RAPGEF5: variants seen among roughly 807,000 people sequenced by gnomAD.
RAPGEF5 encodes the protein Rap guanine nucleotide exchange factor 5.
A neutral mutation model predicts 125.2 loss-of-function variants in RAPGEF5; 65 were observed. The observed-to-expected ratio is 0.52, with a 90% CI of 0.43 to 0.64. The LOEUF (loss-of-function observed/expected upper bound fraction) is 0.64. Ranked by LOEUF, RAPGEF5 falls within the 30% of genes least tolerant of loss-of-function variation. The pLI, the probability that RAPGEF5 is intolerant of heterozygous loss-of-function variation, is 0.00. For missense variants in RAPGEF5, 958 were observed against 1,048.1 expected (o/e 0.91, Z 1.19); for synonymous variants, 391 against 385.9 (o/e 1.01, Z -0.16).
At chr7:22,315,220 A>G (rs1394946372) in intron 3 of RAPGEF5, 150 bp downstream of exon 3, 1 of 859,004 alleles carries the variant, frequency 1.2e-6, no homozygotes, top group Non-Finnish European at 1.6e-6. Flanking sequence ...AGTTTAATGA[A>G]AAGTCACCAT....
At chr7:22,154,656 A>G in intron 16 of RAPGEF5, 52 bp from the exon 17 acceptor site, 1 of 1,571,188 alleles carries the variant, frequency 6.4e-7, no homozygotes, top group Middle Eastern at 2.0e-4. Flanking sequence ...GTCACGAGGT[A>G]TAGACTTTTC....
intron 7 of RAPGEF5, among the ~76,000 whole-genome samples, chr7:22,237,666 A>G (rs1216780637): frequency 1.3e-5 from 2 of 152,040 alleles, no homozygotes; most frequent in Non-Finnish European, 2.9e-5. Flanking sequence ...TTTGAGACTG[A>G]GCTCCCAACT....
intron 1 of RAPGEF5, among the ~76,000 whole-genome samples, chr7:22,323,407 A>G (rs1049598913): frequency 1.3e-5 from 2 of 152,222 alleles, no homozygotes; most frequent in Admixed American, 1.3e-4. Context: ...TACACAACAG[A>G]TACAACAGAA....
intron 11 of RAPGEF5, among the ~76,000 whole-genome samples, chr7:22,171,506 T>C (rs1784348768): frequency 6.6e-6 from 1 of 152,224 alleles, no homozygotes; most frequent in East Asian, 1.9e-4. Flanking sequence ...TCATATCCTT[T>C]CTTTTTTTTG....
At chr7:22,270,354 T>G (rs1446837451) in intron 6 of RAPGEF5, among the ~76,000 whole-genome samples, 1 of 152,220 alleles carries the variant, frequency 6.6e-6, no homozygotes, top group Non-Finnish European at 1.5e-5. Context: ...GGTACCAACA[T>G]AATAAATACA....
At chr7:22,148,911 T>C (rs2128106522) in intron 18 of RAPGEF5, among the ~76,000 whole-genome samples, 1 of 152,290 alleles carries the variant, frequency 6.6e-6, no homozygotes, top group East Asian at 1.9e-4. Flanking sequence ...ATCAATCTCA[T>C]TATTTACTCA....
At chr7:22,275,417 G>A (rs1782533808) in intron 6 of RAPGEF5, among the ~76,000 whole-genome samples, 1 of 152,198 alleles carries the variant, frequency 6.6e-6, no homozygotes, top group Admixed American at 6.5e-5. Context: ...CTGAGAAGGT[G>A]TAGGGGGAAC....
intron 7 of RAPGEF5, among the ~76,000 whole-genome samples, chr7:22,262,089 TG>T (rs1376714625): frequency 6.6e-6 from 1 of 152,116 alleles, no homozygotes; most frequent in African/African-American, 2.4e-5. Context: ...CTTTGATCTG[TG>T]AAAGACTCGT....
intron 8 of RAPGEF5, among the ~76,000 whole-genome samples, chr7:22,224,820 C>T (rs903452741): frequency 2.7e-5 from 4 of 148,388 alleles, no homozygotes; most frequent in South Asian, 2.1e-4. Flanking sequence ...GTCCCAAGTA[C>T]AGTGTTTTGG....
At position 22,266,986 on chromosome 7, in the gene RAPGEF5, A is replaced by C; in HGVS notation, c.774T>G (p.Ile258Met). 6.2e-7 allele frequency: 1 copy of C among 1,611,316 alleles called. No homozygotes were observed. Among genetic ancestry groups the C allele is most frequent in the Non-Finnish European group, 8.5e-7 (1 of 1,177,750 alleles). The change falls in exon 7 of 26, where the codon ATT becomes ATG. Residue 258 changes from isoleucine to methionine, a missense_variant. Transcript: ENST00000665637. ...SAVQRELAAV[I>M]ALKARKSAIE... Reference sequence around the variant, plus strand: ...TACCAGACTTCCTTGCTTTCAAAGCAATAACAGCTGCTAGCTCTCTCTGCA... The same window carrying C: ...TACCAGACTTCCTTGCTTTCAAAGCCATAACAGCTGCTAGCTCTCTCTGCA...
chr7:22,168,209 G>A (rs945862428), intron 11 of RAPGEF5, among the ~76,000 whole-genome samples: 8 of 152,130 alleles, frequency 5.3e-5, no homozygotes, highest in Admixed American at 3.3e-4. Context: ...GTATTTGAGA[G>A]GTAATTAGGA....
intron 2 of RAPGEF5, among the ~76,000 whole-genome samples, chr7:22,317,742 C>A (rs1471206277): frequency 6.6e-6 from 1 of 151,984 alleles, no homozygotes; most frequent in South Asian, 2.1e-4. Flanking sequence ...ATGTAAAGAA[C>A]CTGGAAGATG....
intron 25 of RAPGEF5, among the ~76,000 whole-genome samples, chr7:22,122,916 C>T (rs1379114822): frequency 6.6e-6 from 1 of 152,114 alleles, no homozygotes; most frequent in East Asian, 1.9e-4. Context: ...GTTTAAATGG[C>T]CAGCACTGGG....
chr7:22,232,122 T>C (rs558539335), intron 7 of RAPGEF5, among the ~76,000 whole-genome samples: 8 of 152,108 alleles, frequency 5.3e-5, no homozygotes, highest in South Asian at 4.2e-4. Context: ...TGCCAATGAA[T>C]TGAATATGGA....
intron 6 of RAPGEF5, among the ~76,000 whole-genome samples, chr7:22,288,308 C>T (rs1782845935): frequency 6.6e-6 from 1 of 152,158 alleles, no homozygotes; most frequent in Non-Finnish European, 1.5e-5. Flanking sequence ...GCTCTCTGAG[C>T]TTCAGACTCT....
At position 22,136,955 on chromosome 7, in the gene RAPGEF5, A is replaced by C. The variant is rs931375627; in HGVS notation, c.2306T>G (p.Phe769Cys). Residue 769 changes from phenylalanine to cysteine, a missense_variant, in exon 22 of 26, where the codon TTC (phenylalanine) becomes TGC (cysteine). Physicochemically the swap from Phe to Cys is radical, Grantham distance 205. Transcript: ENST00000665637. Reference protein sequence around the residue: ...EKIPGKFKKLFSELESLTDPS... With the variant: ...EKIPGKFKKLCSELESLTDPS... ...TACTGTTAAACTTTCAAGTTCAGAG[A>C]AAAGTTTCTTAAACTTCCCAGGGAT... 2.5e-6 allele frequency: 4 copies of C among 1,587,698 alleles called. No homozygotes were observed. The African/African-American group carries it at 5.4e-5, about 21-fold the overall frequency.
At chr7:22,334,754 A>C (rs1456245707) in intron 1 of RAPGEF5, among the ~76,000 whole-genome samples, 3 of 152,212 alleles carry the variant, frequency 2.0e-5, no homozygotes, top group Non-Finnish European at 2.9e-5. Context: ...AAACACAGAG[A>C]GGTTAAGTCA....
At chr7:22,263,575 C>T (rs1216103958) in intron 7 of RAPGEF5, among the ~76,000 whole-genome samples, 2 of 151,484 alleles carry the variant, frequency 1.3e-5, no homozygotes, top group Non-Finnish European at 2.9e-5. Context: ...ACTAAAAATA[C>T]AAAAATTAGC....
rs537144637 is a variant in RAPGEF5, at chr7:22,248,418, G to A, written c.797-17499C>T. ...AGTGATGAAGCTGAGAACTAGAGAT[G>A]TGAGGTGCCCGATGTCCAAACTTCC... On this transcript the variant is annotated intron_variant, in intron 7 of 25. Transcript: ENST00000665637. Among the ~76,000 whole-genome samples the A allele has an allele frequency of 7.2e-5, 11 of 152,294 alleles. 1 individual carries two copies. The highest frequency in any genetic ancestry group is 6.5e-4 in the Admixed American group (10 of 15,298).
Sources: gnomAD v4.1 joint callset for allele counts (sites outside exome capture counted in the v4.1 genomes callset) on GRCh38, gnomAD v4.1.1 for gene constraint, MANE v1.5 for transcripts, NCBI Gene and HGNC (gene_info 2026-07-23, HGNC 2026-07-21) for gene names.